Variants in GLB1 observed in about 807,000 individuals in gnomAD.
The protein encoded by GLB1 is galactosidase beta 1.
In GLB1, 56 loss-of-function variants were observed where a neutral mutation model predicts 74.0. The ratio of observed to expected loss-of-function variants is 0.76; its 90% CI spans 0.61 to 0.94. The LOEUF is 0.94. Among genes scored for constraint, GLB1 ranks in the 40% least tolerant of loss-of-function variants. The pLI, the probability that GLB1 is intolerant of heterozygous loss-of-function variation, is 0.00. For synonymous variants in GLB1, 323 were observed against 323.6 expected (o/e 1.00, Z 0.02); for missense variants, 787 against 845.5 (o/e 0.93, Z 0.86).
At chr3:32,968,093 C>A in the GLB1 span, among the ~76,000 whole-genome samples, 11 of 152,230 alleles carry the variant, frequency 7.2e-5, no homozygotes, top group Non-Finnish European at 1.3e-4. Context: ...GTACATTAAC[C>A]GAGATCAGGA....
chr3:33,092,555 T>C (rs1700810114), intron 1 of GLB1: 1 of 1,196,886 alleles, frequency 8.4e-7, no homozygotes, highest in African/African-American at 1.5e-5. Flanking sequence ...AGGTCCCCAT[T>C]CCACATCATC....
chr3:33,013,075 C>T (rs1218439274), intron 15 of GLB1, among the ~76,000 whole-genome samples: 1 of 152,210 alleles, frequency 6.6e-6, no homozygotes, highest in Non-Finnish European at 1.5e-5. Flanking sequence ...CTATAAGGCC[C>T]GTCCCAATCT....
intron 1 of GLB1, chr3:33,092,560 A>G: frequency 1.7e-6 from 2 of 1,205,312 alleles, no homozygotes; most frequent in Non-Finnish European, 2.1e-6. Flanking sequence ...CCCATTCCAC[A>G]TCATCTGGAA....
intron 1 of GLB1, among the ~76,000 whole-genome samples, chr3:33,075,240 A>AACATTCATT (rs1700064154): frequency 6.6e-6 from 1 of 152,218 alleles, no homozygotes; most frequent in South Asian, 2.1e-4. Context: ...ATGAGGTGGG[A>AACATTCATT]ACATTCATTA....
At chr3:33,032,305 G>A (rs774410060) in intron 10 of GLB1, among the ~76,000 whole-genome samples, 4 of 152,128 alleles carry the variant, frequency 2.6e-5, no homozygotes, top group Non-Finnish European at 4.4e-5. Flanking sequence ...TCCCTGGAGT[G>A]TCTTACTATT....
At chr3:33,041,413 G>C (rs1461138947) in intron 10 of GLB1, among the ~76,000 whole-genome samples, 1 of 152,174 alleles carries the variant, frequency 6.6e-6, no homozygotes, top group Non-Finnish European at 1.5e-5. Flanking sequence ...TGTAATCCCA[G>C]CACTTCGGGA....
At chr3:33,035,157 C>T (rs1044046664) in intron 10 of GLB1, among the ~76,000 whole-genome samples, 13 of 152,042 alleles carry the variant, frequency 8.6e-5, no homozygotes, top group African/African-American at 1.7e-4. Flanking sequence ...GTAGGCTGGG[C>T]GCAGTTGCCC....
In GLB1 at chr3:33,093,673, CA is replaced by C. The variant is rs1559423721; in HGVS notation, c.75+3337del. On this transcript the variant is annotated intron_variant, in intron 1 of 15. Transcript: ENST00000307363. This position sits in a 1 kb window ranked among gnomAD's most constrained non-coding sequence, Gnocchi z 6.0. ...TTCAGAATCCCGGCCACGCTGAGCA[CA>C]GCAGTCACTCCCACTGCCAGGGCAG... 6.2e-7 allele frequency: 1 copy of C among 1,614,144 alleles called. No individual in the cohort carries two copies.
intron 2 of GLB1, among the ~76,000 whole-genome samples, chr3:33,071,618 C>A (rs990585967): frequency 1.3e-5 from 2 of 152,162 alleles, no homozygotes; most frequent in African/African-American, 4.8e-5. Flanking sequence ...GGCACCTTGG[C>A]ATGCTAAGTA....
At chr3:33,096,804 C>A in intron 1 of GLB1, 1 of 1,360,356 alleles carries the variant, frequency 7.4e-7, no homozygotes, top group Non-Finnish European at 9.4e-7. Flanking sequence ...ACCGAGCTGC[C>A]TGGAAGGACG....
intron 15 of GLB1, among the ~76,000 whole-genome samples, chr3:33,003,043 T>A (rs1242474709): frequency 6.6e-6 from 1 of 152,180 alleles, no homozygotes; most frequent in Non-Finnish European, 1.5e-5. Flanking sequence ...AGATTAATTC[T>A]CCCCTTCCTT....
chr3:33,014,608 ATCCCAAAT>A (rs1449581930), intron 14 of GLB1, among the ~76,000 whole-genome samples: 2 of 152,168 alleles, frequency 1.3e-5, no homozygotes, highest in Non-Finnish European at 2.9e-5. Context: ...AGAGTGATTG[ATCCCAAAT>A]TCCCAAATTT....
At chr3:32,978,819 G>A in the GLB1 span, among the ~76,000 whole-genome samples, 3 of 142,666 alleles carry the variant, frequency 2.1e-5, no homozygotes, top group Admixed American at 7.2e-5. Context: ...GGAGTGCAGC[G>A]ACATGATCTT....
intron 10 of GLB1, among the ~76,000 whole-genome samples, chr3:33,027,164 G>C (rs549099945): frequency 6.6e-6 from 1 of 152,330 alleles, no homozygotes; most frequent in African/African-American, 2.4e-5. Context: ...AAGCTTCTGG[G>C]CACTATTGCA....
At chr3:33,047,353 AACTT>A in intron 9 of GLB1, among the ~76,000 whole-genome samples, 1 of 152,148 alleles carries the variant, frequency 6.6e-6, no homozygotes, top group East Asian at 1.9e-4. Flanking sequence ...GTACTTCAAA[AACTT>A]ACCCATGCTT....
chr3:33,044,652 A>G lies in GLB1; in HGVS notation c.1068+1468T>C, dbSNP rs182520222. ...TTGAAAATTTAGATGAAATGGACAA[A>G]TTATAAGTGTGGTAAGTCTAGATTG... On this transcript the variant is annotated intron_variant, in intron 10 of 15. Transcript: ENST00000307363. Among the ~76,000 whole-genome samples, 707 of 152,280 alleles carry G rather than the reference A, an allele frequency of 4.6e-3. 7 individuals are homozygous for G. Among genetic ancestry groups the G allele is most frequent in the African/African-American group, 0.016 (682 of 41,572 alleles).
At chr3:33,048,587 C>T (rs548647047) in intron 9 of GLB1, among the ~76,000 whole-genome samples, 2 of 152,310 alleles carry the variant, frequency 1.3e-5, no homozygotes, top group African/African-American at 4.8e-5. Flanking sequence ...ACTCCTGATG[C>T]CTTTCTCTCC....
intron 10 of GLB1, among the ~76,000 whole-genome samples, chr3:33,043,201 G>C (rs763733471): frequency 2.0e-5 from 3 of 152,206 alleles, no homozygotes; most frequent in Non-Finnish European, 2.9e-5. Context: ...AGTGTATATT[G>C]TAGGAACTTG....
At chr3:32,979,571 G>T in the GLB1 span, among the ~76,000 whole-genome samples, 3 of 150,892 alleles carry the variant, frequency 2.0e-5, no homozygotes, top group Non-Finnish European at 4.4e-5. Flanking sequence ...AGGCACACTT[G>T]GCCGGGAGTG....
Sources: allele counts gnomAD v4.1 joint callset (sites outside exome capture counted in the v4.1 genomes callset), GRCh38; gene constraint gnomAD v4.1.1; non-coding constraint Gnocchi (gnomAD v3.1); transcripts MANE v1.5; gene names NCBI Gene and HGNC (gene_info 2026-07-23, HGNC 2026-07-21).